Variants in BICC1 observed in about 807,000 individuals in gnomAD.
BICC1 encodes protein bicaudal C homolog 1.
A neutral mutation model predicts 111.0 loss-of-function variants in BICC1; 43 were observed. That is an observed-to-expected ratio of 0.39 (90% CI 0.30 to 0.50). The LOEUF (loss-of-function observed/expected upper bound fraction) is 0.50. BICC1 is among the 20% of genes least tolerant of loss of function. The probability of loss-of-function intolerance (pLI) is 0.88; values close to 1 mark genes in which losing one functional copy is unlikely to be tolerated. For synonymous variants in BICC1, 467 were observed against 434.4 expected (o/e 1.07, Z -0.93); for missense variants, 1,091 against 1,203.2 (o/e 0.91, Z 1.38).
intron 9 of BICC1, 41 bp from the exon 10 acceptor site, chr10:58,796,299 C>A: frequency 6.4e-7 from 1 of 1,572,302 alleles, no homozygotes; most frequent in Non-Finnish European, 8.7e-7. Context: ...TTGTAGACTA[C>A]TTGCATGTCA....
At chr10:58,726,787 A>G (rs751181932) in intron 3 of BICC1, among the ~76,000 whole-genome samples, 6 of 152,228 alleles carry the variant, frequency 3.9e-5, no homozygotes, top group Admixed American at 6.5e-5. Flanking sequence ...ATCTGTTACT[A>G]TGGAATGTTC....
intron 2 of BICC1, among the ~76,000 whole-genome samples, chr10:58,687,161 TA>T (rs1839759524): frequency 1.3e-5 from 2 of 152,220 alleles, no homozygotes; most frequent in African/African-American, 4.8e-5. Flanking sequence ...TTTGCCTGGG[TA>T]TCACCAGCGG....
chr10:58,543,833 T>TG (rs1843061752), intron 1 of BICC1, among the ~76,000 whole-genome samples: 1 of 135,002 alleles, frequency 7.4e-6, no homozygotes, highest in Non-Finnish European at 1.6e-5. Flanking sequence ...TAACCATAAT[T>TG]AAAAAAAAAA....
intron 2 of BICC1, among the ~76,000 whole-genome samples, chr10:58,664,616 A>G (rs1197102842): frequency 1.3e-5 from 2 of 151,706 alleles, no homozygotes; most frequent in African/African-American, 4.8e-5. Flanking sequence ...TAAAAGTTCT[A>G]TCTGATATTT....
intron 3 of BICC1, among the ~76,000 whole-genome samples, chr10:58,717,560 A>G (rs1285259197): frequency 6.6e-6 from 1 of 152,238 alleles, no homozygotes. Flanking sequence ...CTTCTTCTAT[A>G]TAAGCACGTA....
chr10:58,701,976 C>A, intron 2 of BICC1, 98 bp from the exon 3 acceptor site: 1 of 829,714 alleles, frequency 1.2e-6, no homozygotes, highest in Non-Finnish European at 1.9e-6. Context: ...TGAACATGAA[C>A]TTAGGAACTT....
At chr10:58,807,755 C>T (rs1156784544) in intron 17 of BICC1, among the ~76,000 whole-genome samples, 1 of 152,140 alleles carries the variant, frequency 6.6e-6, no homozygotes, top group Non-Finnish European at 1.5e-5. Flanking sequence ...CCAGGCTACA[C>T]GCGATTCACC....
At chr10:58,668,758 A>T (rs1030790403) in intron 2 of BICC1, among the ~76,000 whole-genome samples, 11 of 152,018 alleles carry the variant, frequency 7.2e-5, no homozygotes, top group Admixed American at 4.6e-4. Flanking sequence ...CTAATGGTGC[A>T]TCTAGTTCAG....
intron 3 of BICC1, among the ~76,000 whole-genome samples, chr10:58,762,462 G>A (rs1158593019): frequency 6.6e-6 from 1 of 152,180 alleles, no homozygotes; most frequent in Non-Finnish European, 1.5e-5. Context: ...TTTACATGAT[G>A]TAGTATCTGG....
intron 1 of BICC1, among the ~76,000 whole-genome samples, chr10:58,536,932 C>T (rs1842839776): frequency 6.6e-6 from 1 of 151,720 alleles, no homozygotes; most frequent in Non-Finnish European, 1.5e-5. Context: ...CCTCTATGCA[C>T]ACAAGCTAGA....
chr10:58,772,348 C>T lies in BICC1; in HGVS notation c.308-12653C>T, dbSNP rs571576725. 2.6e-5 allele frequency among the ~76,000 whole-genome samples: 4 copies of T among 152,190 alleles called. No individual in the cohort carries two copies. In the South Asian group the frequency reaches 6.2e-4, roughly 24 times the overall value. The stretch of plus-strand genomic sequence containing the variant: ...CAGTTGTGGCTTCTCTCACTTGCCT[C>T]TATTGTTACTGTTTTCTCCTGTGTC... On this transcript the variant is annotated intron_variant, in intron 3 of 20. Coordinates refer to ENST00000373886, the MANE Select transcript of BICC1 (RefSeq NM_001080512.3).
At chr10:58,696,959 G>A (rs1197858368) in intron 2 of BICC1, among the ~76,000 whole-genome samples, 1 of 152,132 alleles carries the variant, frequency 6.6e-6, no homozygotes, top group Admixed American at 6.5e-5. Context: ...TTTCTTCGTG[G>A]AGATTTTGTG....
intron 1 of BICC1, among the ~76,000 whole-genome samples, chr10:58,555,306 A>ATTTTTTTTTT (rs61692850): frequency 2.2e-4 from 23 of 102,520 alleles, no homozygotes; most frequent in South Asian, 3.3e-4. Flanking sequence ...GCTGTTGGAC[A>ATTTTTTTTTT]TTTTTTTTTT....
intron 1 of BICC1, among the ~76,000 whole-genome samples, chr10:58,532,343 C>T (rs1842703611): frequency 6.6e-6 from 1 of 150,970 alleles, no homozygotes; most frequent in African/African-American, 2.4e-5. Flanking sequence ...TTTTTTGGCA[C>T]TAAAATAAAT....
chr10:58,696,043 T>C (rs1281604870), intron 2 of BICC1, among the ~76,000 whole-genome samples: 1 of 152,182 alleles, frequency 6.6e-6, no homozygotes, highest in Non-Finnish European at 1.5e-5. Context: ...TACAAAAAAT[T>C]TGTAATTCTA....
chr10:58,586,831 G>A (rs544950896), intron 1 of BICC1, among the ~76,000 whole-genome samples: 66 of 152,256 alleles, frequency 4.3e-4, no homozygotes, highest in African/African-American at 1.4e-3. Context: ...GTCTGCAAGT[G>A]CGTGTAAATC....
At position 58,589,978 on chromosome 10, in the gene BICC1, T is replaced by A. The variant is rs1276034847; in HGVS notation, c.191-30877T>A. On this transcript the variant is annotated intron_variant, in intron 1 of 20. Transcript: ENST00000373886. Reference sequence around the variant, plus strand: ...ACACCCCTTTGCCTGGCTTAAGTTATACAGCTTTTGTTCCTATCCTCACCC... The same window carrying A: ...ACACCCCTTTGCCTGGCTTAAGTTAAACAGCTTTTGTTCCTATCCTCACCC... Among the ~76,000 whole-genome samples the A allele has an allele frequency of 3.3e-5, 5 of 152,246 alleles. No individual in the cohort carries two copies. The East Asian group carries it at 7.7e-4, about 24-fold the overall frequency.
At chr10:58,736,341 CA>C (rs1344322280) in intron 3 of BICC1, among the ~76,000 whole-genome samples, 1 of 151,608 alleles carries the variant, frequency 6.6e-6, no homozygotes, top group African/African-American at 2.4e-5. Flanking sequence ...ATGAGCAGTA[CA>C]AATTTTATTT....
At chr10:58,561,862 ATTTC>A (rs1486746795) in intron 1 of BICC1, among the ~76,000 whole-genome samples, 2 of 152,058 alleles carry the variant, frequency 1.3e-5, no homozygotes, top group African/African-American at 2.4e-5. Flanking sequence ...AAAAGACTTT[ATTTC>A]TTCATTTCTG....
Sources: allele counts gnomAD v4.1 joint callset (sites outside exome capture counted in the v4.1 genomes callset), GRCh38; gene constraint gnomAD v4.1.1; transcripts MANE v1.5; gene names NCBI Gene and HGNC (gene_info 2026-07-23, HGNC 2026-07-21).